BRME1: variants seen among roughly 807,000 people sequenced by gnomAD.
The protein encoded by BRME1 is BRCA2 and MEILB2-associating protein 1.
Under a neutral mutation model 52.6 loss-of-function variants are expected in BRME1, and 31 were observed. The ratio of observed to expected loss-of-function variants is 0.59; its 90% CI spans 0.44 to 0.80. The LOEUF (loss-of-function observed/expected upper bound fraction) is 0.80. Ranked by LOEUF, BRME1 falls within the 30% of genes least tolerant of loss-of-function variation. The pLI is 0.00. For synonymous variants in BRME1, 359 were observed against 353.6 expected, an observed-to-expected ratio of 1.02 and a Z score of -0.17; for missense variants, 804 against 860.3, an observed-to-expected ratio of 0.93 and a Z score of 0.82.
intron 7 of BRME1, among the ~76,000 whole-genome samples, chr19:13,884,212 C>T (rs1476367097): frequency 5.9e-5 from 9 of 152,084 alleles, no homozygotes; most frequent in Admixed American, 3.3e-4. Context: ...TAGTGGTGCG[C>T]GCCTGTAGTC....
chr19:13,899,491 G>A (rs773619570), intron 2 of BRME1, among the ~76,000 whole-genome samples: 1 of 152,006 alleles, frequency 6.6e-6, no homozygotes, highest in East Asian at 1.9e-4. Flanking sequence ...GGGAGTGCCC[G>A]TTTAGAACTT....
chr19:13,895,578 G>T, intron 2 of BRME1, 32 bp from the exon 3 acceptor site: 1 of 1,586,354 alleles, frequency 6.3e-7, no homozygotes, highest in Non-Finnish European at 8.6e-7. Flanking sequence ...ATGAAGGGGT[G>T]GGGGATACAG....
chr19:13,889,038 G>A (rs1237565472), intron 6 of BRME1, 150 bp downstream of exon 6: 5 of 694,724 alleles, frequency 7.2e-6, no homozygotes, highest in South Asian at 2.2e-5. Flanking sequence ...CAGTAGAGCT[G>A]CAACTCGGAC....
chr19:13,884,211 G>A (rs569511178), intron 7 of BRME1, among the ~76,000 whole-genome samples: 3 of 152,210 alleles, frequency 2.0e-5, no homozygotes, highest in Non-Finnish European at 2.9e-5. Flanking sequence ...ATAGTGGTGC[G>A]CGCCTGTAGT....
chr19:13,883,313 G>T lies in BRME1; in HGVS notation c.1851C>A (p.Asn617Lys), dbSNP rs1249697003. 1 of 1,533,810 alleles carries T rather than the reference G, an allele frequency of 6.5e-7. No individual in the cohort carries two copies. The highest frequency in any genetic ancestry group is 8.7e-7 in the Non-Finnish European group (1 of 1,145,100). ...VVRGLIVELSNLNRLIMGTHR... is the reference protein window; with the variant it reads ...VVRGLIVELSKLNRLIMGTHR... ...AGTCCAAGCCCACCCCGTACTTCAG[G>T]TTGGAGAGCTCAACGATGAGGCCAC... The change falls in exon 8 of 9, where the codon AAC becomes AAA. Residue 617 changes from asparagine (N) to lysine (K), a missense_variant. Physicochemically the swap from Asn to Lys is moderately conservative, Grantham distance 94 (BLOSUM62 0). Around this residue, in one of 3 missense-constraint regions of BRME1, gnomAD observed 552 missense variants for 561.1 expected, o/e 0.98. Transcript: ENST00000586783. This position sits in a 1 kb window ranked among gnomAD's most constrained non-coding sequence, Gnocchi z 4.2.
intron 4 of BRME1, 113 bp downstream of exon 4, chr19:13,893,029 A>T: frequency 7.4e-7 from 1 of 1,345,162 alleles, no homozygotes; most frequent in Non-Finnish European, 1.0e-6. Context: ...CATTCCCTCC[A>T]GCCCCTGTAG....
At chr19:13,887,494 G>A (rs1969120731) in intron 6 of BRME1, among the ~76,000 whole-genome samples, 2 of 152,178 alleles carry the variant, frequency 1.3e-5, no homozygotes, top group Admixed American at 6.5e-5. Context: ...TTGCAGTTTG[G>A]CAGCCCGTTT....
chr19:13,883,240 C>A lies in BRME1; in HGVS notation c.1856+68G>T. ...CTAGGGGCTTCACACTTCAGTCCCT[C>A]CCTGCTCCTCTGAGTCCCCACTGGC... On this transcript the variant is annotated intron_variant, in intron 8 of 8. Coordinates refer to ENST00000586783, the MANE Select transcript of BRME1 (RefSeq NM_001345843.2). The surrounding 1 kb of genome is among the most constrained non-coding windows in gnomAD (Gnocchi z 4.2). The A allele has an allele frequency of 7.2e-7, 1 of 1,394,126 alleles. No individual in the cohort carries two copies. The highest frequency in any genetic ancestry group is 1.3e-5 in the South Asian group (1 of 79,942). The allele number at this position is 1,394,126 out of a possible 1,614,324, so 86.4% of individuals were successfully genotyped here.
rs182174813 is a variant in BRME1, at chr19:13,898,993, T to C, written c.32-3447A>G. On this transcript the variant is annotated intron_variant, in intron 2 of 8. Transcript: ENST00000586783. Reference sequence around the variant, plus strand: ...GATGGACTCTTTCCAACCTCAGCTCTACATTACACACTTACACATCGTGAA... The same window carrying C: ...GATGGACTCTTTCCAACCTCAGCTCCACATTACACACTTACACATCGTGAA... Among the ~76,000 whole-genome samples, 15 of 150,966 alleles carry C rather than the reference T, an allele frequency of 9.9e-5. No homozygotes were observed. In the South Asian group the frequency reaches 2.1e-3, roughly 21 times the overall value.
intron 2 of BRME1, among the ~76,000 whole-genome samples, chr19:13,903,631 C>T (rs960809219): frequency 1.3e-5 from 2 of 149,012 alleles, no homozygotes; most frequent in Non-Finnish European, 2.9e-5. Context: ...CAAGATCTTG[C>T]TACTGCACTC....
intron 2 of BRME1, among the ~76,000 whole-genome samples, chr19:13,896,593 T>C (rs1390406248): frequency 2.0e-5 from 3 of 147,698 alleles, no homozygotes; most frequent in Non-Finnish European, 4.5e-5. Context: ...CAGCCAAATA[T>C]GTAAATATAT....
rs554124179 is a variant in BRME1, at chr19:13,903,751, GA to G, written c.31+1110del. Among the ~76,000 whole-genome samples, 27 of 151,816 alleles carry G rather than the reference GA, an allele frequency of 1.8e-4. 1 individual carries two copies. Among genetic ancestry groups the G allele is most frequent in the African/African-American group, 5.1e-4 (21 of 41,326 alleles). On this transcript the variant is annotated intron_variant, in intron 2 of 8. Coordinates refer to ENST00000586783, the MANE Select transcript of BRME1 (RefSeq NM_001345843.2). ...AAATCCCTTCCTCTCACCTAGTTGA[GA>G]AACACTGCTCTAAAGGAAAGGGTAG... is the stretch of plus-strand genomic sequence containing the variant.
intron 7 of BRME1, 144 bp downstream of exon 7, chr19:13,885,817 G>C (rs543449676): frequency 1.9e-5 from 13 of 669,330 alleles, no homozygotes; most frequent in Non-Finnish European, 3.1e-5. Context: ...TATACAGTTT[G>C]AAAGACAGGG....
intron 2 of BRME1, 130 bp from the exon 3 acceptor site, chr19:13,895,676 G>A (rs1969841187): frequency 5.3e-6 from 4 of 749,914 alleles, no homozygotes; most frequent in South Asian, 1.8e-5. Context: ...CTCTCTGCGG[G>A]GTCCCAAGTG....
Position 13,889,281 on chromosome 19 carries a change from CCAGGTG to C in BRME1, c.1569_1574del (p.Thr524_Trp525del). On this transcript the variant is annotated inframe_deletion, in exon 6 of 9. Transcript: ENST00000586783. ...CGAGTTCCACAGCTAAAGAGTCTGC[CCAGGTG>C]CCCTGGTCTGCAGAATGAGGCAGGT... 1 of 1,614,126 alleles carries C rather than the reference CCAGGTG, an allele frequency of 6.2e-7. No individual in the cohort carries two copies. The highest frequency in any genetic ancestry group is 8.5e-7 in the Non-Finnish European group (1 of 1,180,032).
At chr19:13,891,807 T>C (rs1280039397) in intron 5 of BRME1, among the ~76,000 whole-genome samples, 1 of 149,118 alleles carries the variant, frequency 6.7e-6, no homozygotes, top group Non-Finnish European at 1.5e-5. Context: ...ACGCAGTGGC[T>C]CATGCCTGTA....
At chr19:13,886,076 G>A in intron 6 of BRME1, 21 bp from the exon 7 acceptor site, 2 of 1,609,666 alleles carry the variant, frequency 1.2e-6, no homozygotes, top group Non-Finnish European at 1.7e-6. Context: ...AGCACAAGGT[G>A]TGAGTGGTCG....
At chr19:13,900,748 G>A (rs924705733) in intron 2 of BRME1, among the ~76,000 whole-genome samples, 4 of 150,604 alleles carry the variant, frequency 2.7e-5, no homozygotes, top group Non-Finnish European at 5.9e-5. Context: ...GTGCAGTGGT[G>A]CAATCTCAGC....
chr19:13,885,956 C>G lies in BRME1; in HGVS notation c.1763+5G>C, dbSNP rs377300662. 29 of 1,613,104 alleles carry G rather than the reference C, an allele frequency of 1.8e-5. No individual in the cohort carries two copies. In the African/African-American group the frequency reaches 3.3e-4, roughly 19 times the overall value. The stretch of plus-strand genomic sequence containing the variant: ...GGAGCCACTTCTCACCCACGCCACA[C>G]CTACCTCGGCTGGGCCTTGGCCACT... On this transcript the variant is annotated splice_donor_5th_base_variant and intron_variant, in intron 7 of 8. Coordinates refer to ENST00000586783, the MANE Select transcript of BRME1 (RefSeq NM_001345843.2).
Sources: allele counts gnomAD v4.1 joint callset (sites outside exome capture counted in the v4.1 genomes callset), GRCh38; gene constraint gnomAD v4.1.1; regional missense constraint gnomAD v4.1.1; non-coding constraint Gnocchi (gnomAD v3.1); transcripts MANE v1.5; gene names NCBI Gene and HGNC (gene_info 2026-07-23, HGNC 2026-07-21).